Variants in ASPM observed in about 807,000 individuals in gnomAD.
ASPM encodes assembly factor for spindle microtubules, also known as abnormal spindle-like microcephaly-associated protein.
In ASPM, 256 loss-of-function variants were observed where a neutral mutation model predicts 366.4. The observed-to-expected ratio is 0.70, with a 90% CI of 0.63 to 0.77. The LOEUF (loss-of-function observed/expected upper bound fraction) is 0.77, where lower values mean the gene tolerates loss of function less well. ASPM is among the 30% of genes least tolerant of loss of function. The pLI is 0.00. For missense variants in ASPM, 4,146 were observed against 4,090.4 expected (o/e 1.01, Z -0.37); for synonymous variants, 1,414 against 1,342.9 (o/e 1.05, Z -1.16).
rs751945660 is a variant in ASPM at position 197,135,089 on chromosome 1, C to A, written c.2173+7G>T. ...TTATTAAATTTAAACATTAATTTAA[C>A]GTTTACCTTCAGAAATATTTGTTTT... is the stretch of plus-strand genomic sequence containing the variant. On this transcript the variant is annotated splice_region_variant and intron_variant, in intron 5 of 27. Coordinates refer to ENST00000367409, the MANE Select transcript of ASPM (RefSeq NM_018136.5). 6.5e-7 allele frequency: 1 copy of A among 1,537,302 alleles called. No homozygotes were observed.
intron 17 of ASPM, among the ~76,000 whole-genome samples, chr1:197,116,564 G>A (rs1468928692): frequency 3.3e-5 from 5 of 151,972 alleles, no homozygotes; most frequent in Admixed American, 1.3e-4. Context: ...GCAATAAAAC[G>A]AGGTATGCCT....
rs573375028 is a variant in ASPM at position 197,129,385 on chromosome 1, T to C, written c.2630-68A>G. On this transcript the variant is annotated intron_variant, in intron 8 of 27. Coordinates refer to ENST00000367409, the MANE Select transcript of ASPM (RefSeq NM_018136.5). ...AGGTAGGTTTCATCTTAAAATATGA[T>C]AATAATAATAATAAGGTGTTAGTAA... 116 of 1,421,468 alleles carry C rather than the reference T, an allele frequency of 8.2e-5. No individual in the cohort carries two copies. The African/African-American group carries it at 1.6e-3, about 20-fold the overall frequency. 88.1% of individuals were successfully genotyped at this position (1,421,468 alleles called of 1,614,324 possible).
chr1:197,103,580 GA>G lies in ASPM; in HGVS notation c.5670del (p.Arg1891GlyfsTer12). On this transcript the variant is annotated frameshift_variant, in exon 18 of 28. Transcript: ENST00000367409. LOFTEE classifies it high-confidence loss of function. ...TGATGTTCCCTTCTAATCTGTTTCC[GA>G]ACCTTCCAGCCACGATAAGCAGACT... ...SLQSAYRGWK[V>X]RKQIRREHQA... 1 of 1,612,702 alleles carries G rather than the reference GA, an allele frequency of 6.2e-7. No individual in the cohort carries two copies. The highest frequency in any genetic ancestry group is 8.5e-7 in the Non-Finnish European group (1 of 1,179,392).
At chr1:197,092,077 C>T (rs763842183) in intron 21 of ASPM, 21 bp from the exon 22 acceptor site, 16 of 1,609,940 alleles carry the variant, frequency 9.9e-6, no homozygotes, top group African/African-American at 1.3e-5. Flanking sequence ...AAAAACAAAG[C>T]ATATTCAAGT....
Position 197,129,325 on chromosome 1 carries a change from A to G in ASPM, c.2630-8T>C, listed in dbSNP as rs961113789. On this transcript the variant is annotated splice_polypyrimidine_tract_variant and splice_region_variant and intron_variant, in intron 8 of 27. Coordinates refer to ENST00000367409, the MANE Select transcript of ASPM (RefSeq NM_018136.5). ...ACAAAGCTTCTTCATGACCTTAAAT[A>G]AAGTACAAAAAAGCACAGCAAGTTA... The G allele has an allele frequency of 2.0e-5, 33 of 1,611,246 alleles. No individual in the cohort carries two copies. Among genetic ancestry groups the G allele is most frequent in the Middle Eastern group, 3.3e-4 (2 of 6,016 alleles).
At chr1:197,118,259 T>G (rs1321456708) in intron 16 of ASPM, among the ~76,000 whole-genome samples, 1 of 152,074 alleles carries the variant, frequency 6.6e-6, no homozygotes, top group African/African-American at 2.4e-5. Context: ...AGATCCTCAG[T>G]AATCAAGATA....
intron 27 of ASPM, 27 bp from the exon 28 acceptor site, chr1:197,084,453 C>A: frequency 1.4e-6 from 2 of 1,385,744 alleles, no homozygotes; most frequent in Non-Finnish European, 2.0e-6. Context: ...AAAAGTCTGG[C>A]ATTAATAAAG....
chr1:197,091,783 A>G, intron 22 of ASPM, 124 bp downstream of exon 22: 7 of 979,270 alleles, frequency 7.1e-6, no homozygotes, highest in East Asian at 2.6e-5. Flanking sequence ...TGTAACAGCT[A>G]TAAGGTGAAA....
At chr1:197,136,823 T>C (rs973448375) in intron 4 of ASPM, among the ~76,000 whole-genome samples, 1 of 152,124 alleles carries the variant, frequency 6.6e-6, no homozygotes, top group Non-Finnish European at 1.5e-5. Flanking sequence ...GAGACAAATA[T>C]TTACTTATAA....
rs577480399 is a variant in ASPM at position 197,144,585 on chromosome 1, T to TGCA, written c.298-488_298-486dup. On this transcript the variant is annotated intron_variant, in intron 1 of 27. Transcript: ENST00000367409. ...CAGGTATTATTGTTCCAGGCATAAG[T>TGCA]GCAGGTATCCTGTAAAACTCATTTA... Among the ~76,000 whole-genome samples, 965 of 152,300 alleles carry TGCA rather than the reference T, an allele frequency of 6.3e-3. 12 individuals carry two copies. The highest frequency in any genetic ancestry group is 0.022 in the African/African-American group (927 of 41,558).
chr1:197,084,469 C>T (rs1030230249), intron 27 of ASPM, 43 bp from the exon 28 acceptor site: 2 of 1,364,348 alleles, frequency 1.5e-6, no homozygotes, highest in African/African-American at 2.9e-5. Context: ...TAAAGTTCTT[C>T]TCTTTAGAGT....
intron 16 of ASPM, among the ~76,000 whole-genome samples, chr1:197,121,048 T>TCAAAGTTGA (rs1657892427): frequency 6.6e-6 from 1 of 152,192 alleles, no homozygotes; most frequent in South Asian, 2.1e-4. Context: ...GCATTATATT[T>TCAAAGTTGA]CAAAGTTGAG....
intron 4 of ASPM, among the ~76,000 whole-genome samples, chr1:197,137,511 G>A (rs80188797): frequency 1.3e-5 from 2 of 152,250 alleles, no homozygotes; most frequent in Non-Finnish European, 2.9e-5. Flanking sequence ...GTGACTCATA[G>A]CGCTCTGTCA....
intron 4 of ASPM, among the ~76,000 whole-genome samples, chr1:197,137,125 A>C (rs1481528654): frequency 6.6e-6 from 1 of 152,180 alleles, no homozygotes; most frequent in African/African-American, 2.4e-5. Context: ...ATAACATTGG[A>C]TTAAGATGAA....
intron 15 of ASPM, 57 bp from the exon 16 acceptor site, chr1:197,122,100 C>A (rs1476213055): frequency 1.3e-5 from 20 of 1,599,130 alleles, no homozygotes; most frequent in Non-Finnish European, 1.6e-5. Flanking sequence ...ACAGTACTTA[C>A]TATCATCTTC....
chr1:197,130,705 G>T (rs1001600522), intron 7 of ASPM, among the ~76,000 whole-genome samples: 1 of 151,974 alleles, frequency 6.6e-6, no homozygotes, highest in East Asian at 1.9e-4. Flanking sequence ...TTTGGCCTTT[G>T]AAATTTTCTT....
chr1:197,139,309 G>T, intron 4 of ASPM: 2 of 814,120 alleles, frequency 2.5e-6, no homozygotes, highest in Non-Finnish European at 2.0e-6. Context: ...AACAGCCCAT[G>T]TTTTTGGCCG....
In ASPM at chr1:197,100,425, A is replaced by G. The variant is rs1204915577; in HGVS notation, c.8820+6T>C. 3.4e-6 allele frequency: 5 copies of G among 1,476,132 alleles called. No individual in the cohort carries two copies. The highest frequency in any genetic ancestry group is 3.7e-6 in the Non-Finnish European group (4 of 1,089,456). The allele number at this position is 1,476,132 out of a possible 1,614,324, so 91.4% of individuals were successfully genotyped here. On this transcript the variant is annotated splice_donor_region_variant and intron_variant, in intron 18 of 27. Transcript: ENST00000367409. ...AGTTTTATATTTAAATTAAATATAG[A>G]AATACCTGAATTTTTATGGTGCTAT... is the stretch of plus-strand genomic sequence containing the variant.
In ASPM at chr1:197,101,085, A is replaced by AT; in HGVS notation, c.8165dup (p.Tyr2722Ter). The AT allele has an allele frequency of 6.2e-7, 1 of 1,611,864 alleles. No individual in the cohort carries two copies. Among genetic ancestry groups the AT allele is most frequent in the Non-Finnish European group, 8.5e-7 (1 of 1,178,828 alleles). Residue 2722 changes from tyrosine to a stop codon, truncating the protein, a stop_gained and frameshift_variant, in exon 18 of 28, where the codon TAT (tyrosine) becomes TAAT (stop). Transcript: ENST00000367409. LOFTEE classifies it high-confidence loss of function. ...KTAIVVIQNY[Y>*]RLYVRVKTER... ...CTGTTTTTACTCTAACATACAACCT[A>AT]TAATAATTCTGTATAACCACAATTG...
Sources: allele counts gnomAD v4.1 joint callset (sites outside exome capture counted in the v4.1 genomes callset), GRCh38; gene constraint gnomAD v4.1.1; transcripts MANE v1.5; gene names NCBI Gene and HGNC (gene_info 2026-07-23, HGNC 2026-07-21).